The following STK40 variants were observed in gnomAD, a reference collection of about 807,000 sequenced individuals.
The protein encoded by STK40 is serine/threonine-protein kinase 40.
STK40 carries 13 observed loss-of-function variants against 47.9 expected under a neutral mutation model. The observed-to-expected ratio is 0.27, with a 90% CI of 0.18 to 0.43. STK40 has a LOEUF of 0.43. Ranked by LOEUF, STK40 falls within the 20% of genes least tolerant of loss-of-function variation. STK40 has a pLI of 1.00. For synonymous variants in STK40, 225 were observed against 243.2 expected (o/e 0.93, Z 0.69); for missense variants, 460 against 595.1 (o/e 0.77, Z 2.36).
chr1:36,357,769 G>A lies in STK40; in HGVS notation c.342+470C>T, dbSNP rs543498626. ...GTAGCTGGGACTACAGGTGTGCGCC[G>A]CCATGCCCAGCTAATTTTTGTATTT... On this transcript the variant is annotated intron_variant, in intron 4 of 10. Coordinates refer to ENST00000373132, the MANE Select transcript of STK40 (RefSeq NM_001282547.2). Among the ~76,000 whole-genome samples the A allele has an allele frequency of 4.4e-3, 664 of 152,014 alleles. 7 individuals are homozygous for A. Among genetic ancestry groups the A allele is most frequent in the African/African-American group, 0.015 (611 of 41,472 alleles).
rs1175031126 is a variant in STK40, at chr1:36,358,170, C to A, written c.342+69G>T. 4.0e-6 allele frequency: 6 copies of A among 1,481,792 alleles called. No homozygotes were observed. The South Asian group carries it at 7.0e-5, about 17-fold the overall frequency. 91.8% of individuals were successfully genotyped at this position (1,481,792 alleles called of 1,614,324 possible). A position where few individuals can be genotyped will look rare whatever the true frequency, so the allele number is the denominator to read the frequency against. Reference sequence around the variant, plus strand: ...ACGTGAGCTGCTCGTATGGCTGTGGCCCCAGCAAGTGGCAGCCCACAGAGC... The same window carrying A: ...ACGTGAGCTGCTCGTATGGCTGTGGACCCAGCAAGTGGCAGCCCACAGAGC... On this transcript the variant is annotated intron_variant, in intron 4 of 10. Coordinates refer to ENST00000373132, the MANE Select transcript of STK40 (RefSeq NM_001282547.2).
intron 3 of STK40, 74 bp downstream of exon 3, chr1:36,358,662 AG>A (rs1646826423): frequency 6.7e-7 from 1 of 1,489,824 alleles, no homozygotes; most frequent in African/African-American, 1.4e-5. Flanking sequence ...GCAGGTGTGA[AG>A]GTGGAGGAGG....
intron 1 of STK40, among the ~76,000 whole-genome samples, chr1:36,368,282 TA>T (rs1646918040): frequency 6.6e-6 from 1 of 151,544 alleles, no homozygotes; most frequent in African/African-American, 2.4e-5. Context: ...GCTATATATA[TA>T]TTTTTTTTCG....
chr1:36,370,089 A>G (rs1320953845), intron 1 of STK40, among the ~76,000 whole-genome samples: 2 of 152,258 alleles, frequency 1.3e-5, no homozygotes, highest in East Asian at 1.9e-4. Context: ...CTGTCCAGGA[A>G]AAGTCCCATG....
chr1:36,354,741 G>T (rs1305727819), intron 5 of STK40, among the ~76,000 whole-genome samples: 1 of 152,124 alleles, frequency 6.6e-6, no homozygotes, highest in Non-Finnish European at 1.5e-5. Context: ...GGATGGATCT[G>T]GGGGTCGGGG....
chr1:36,381,719 G>A (rs773007540), intron 1 of STK40, among the ~76,000 whole-genome samples: 3 of 152,038 alleles, frequency 2.0e-5, no homozygotes, highest in Non-Finnish European at 2.9e-5. Flanking sequence ...CAATTTCTGG[G>A]CTCAAGCGAT....
rs1030020441 is a variant in STK40 at position 36,340,149 on chromosome 1, T to G, written c.*1606A>C. On this transcript the variant is annotated 3_prime_UTR_variant, in exon 11 of 11. Transcript: ENST00000373132. ...ACAGCTGAGACAGACGCAGGCTCGCTGCTCAGGGGGAGTAAGTGCTGGGCT... is the reference window on the plus strand; with the variant it reads ...ACAGCTGAGACAGACGCAGGCTCGCGGCTCAGGGGGAGTAAGTGCTGGGCT... 2.0e-5 allele frequency: 3 copies of G among 152,772 alleles called. No individual in the cohort carries two copies. The highest frequency in any genetic ancestry group is 7.2e-5 in the African/African-American group (3 of 41,466). 9.5% of individuals were successfully genotyped at this position (152,772 alleles called of 1,614,324 possible). A position where few individuals can be genotyped will look rare whatever the true frequency, so the allele number is the denominator to read the frequency against.
intron 1 of STK40, among the ~76,000 whole-genome samples, chr1:36,369,725 A>C (rs1646929654): frequency 6.6e-6 from 1 of 152,170 alleles, no homozygotes; most frequent in Non-Finnish European, 1.5e-5. Context: ...CCATTGGTTT[A>C]TCTGTCTGAC....
intron 9 of STK40, 135 bp from the exon 10 acceptor site, chr1:36,343,583 C>A: frequency 4.9e-6 from 5 of 1,015,612 alleles, no homozygotes; most frequent in Non-Finnish European, 5.7e-6. Context: ...GTTTTCTTAT[C>A]CCATAAAGGG....
intron 10 of STK40, chr1:36,343,064 G>T: frequency 1.7e-6 from 1 of 603,640 alleles, no homozygotes; most frequent in Admixed American, 2.9e-5. Context: ...GCAGAGAAAT[G>T]TGACTTGGGC....
intron 1 of STK40, among the ~76,000 whole-genome samples, chr1:36,379,669 C>A (rs747059425): frequency 5.3e-5 from 8 of 151,996 alleles, no homozygotes; most frequent in African/African-American, 1.9e-4. Context: ...TGTGAGCCAC[C>A]GCGCCCGGCC....
At chr1:36,352,182 G>A (rs536635035) in intron 6 of STK40, among the ~76,000 whole-genome samples, 2 of 152,162 alleles carry the variant, frequency 1.3e-5, no homozygotes, top group African/African-American at 2.4e-5. Flanking sequence ...CTCACCAGGG[G>A]TGTCCTCGTT....
intron 6 of STK40, among the ~76,000 whole-genome samples, chr1:36,349,557 A>G (rs1646732525): frequency 6.6e-6 from 1 of 152,186 alleles, no homozygotes; most frequent in African/African-American, 2.4e-5. Context: ...GCAGGGCCCC[A>G]GGCCCCGAAT....
rs58286007 is a variant in STK40, at chr1:36,355,151, G to A, written c.570+55C>T. ...CAGAGCTGCCTTCTGCTCAGCAGCA[G>A]CAAGAAAGGTGGCTTTCTGTGGCCA... On this transcript the variant is annotated intron_variant, in intron 5 of 10. Coordinates refer to ENST00000373132, the MANE Select transcript of STK40 (RefSeq NM_001282547.2). 4.5e-3 allele frequency: 7,100 copies of A among 1,565,810 alleles called. 262 individuals are homozygous for A. The African/African-American group carries it at 0.079, about 17-fold the overall frequency.
chr1:36,343,489 C>A (rs1646672690), intron 9 of STK40, 41 bp from the exon 10 acceptor site: 7 of 1,577,418 alleles, frequency 4.4e-6, no homozygotes, highest in East Asian at 2.3e-5. Context: ...CCAGAGAGAC[C>A]AGGTCCATTG....
At chr1:36,348,638 G>A in intron 7 of STK40, 62 bp downstream of exon 7, 1 of 1,495,816 alleles carries the variant, frequency 6.7e-7, no homozygotes, top group South Asian at 1.2e-5. Context: ...TTTGCTGAGT[G>A]GACTGTCACA....
In STK40 at chr1:36,356,418, C is replaced by CTTTTT. The variant is rs1002682531; in HGVS notation, c.343-990_343-986dup. ...CTGAATATCCACATTTCTTCTTTTT[C>CTTTTT]TTTTTTTTTTTTTTTTTTTTTTTGT... On this transcript the variant is annotated intron_variant, in intron 4 of 10. Coordinates refer to ENST00000373132, the MANE Select transcript of STK40 (RefSeq NM_001282547.2). Among the ~76,000 whole-genome samples the CTTTTT allele has an allele frequency of 2.5e-3, 293 of 116,770 alleles. 2 individuals carry two copies. Among genetic ancestry groups the CTTTTT allele is most frequent in the Non-Finnish European group, 3.4e-3 (189 of 56,372 alleles). The allele number at this position is 116,770 out of a possible 152,430, so 76.6% of individuals were successfully genotyped here. A position where few individuals can be genotyped will look rare whatever the true frequency, so the allele number is the denominator to read the frequency against.
At chr1:36,343,068 C>T (rs1433905101) in intron 10 of STK40, 5 of 604,830 alleles carry the variant, frequency 8.3e-6, no homozygotes, top group Non-Finnish European at 1.5e-5. Context: ...AGAAATGTGA[C>T]TTGGGCAGCA....
chr1:36,350,962 G>A (rs990118682), intron 6 of STK40, among the ~76,000 whole-genome samples: 1 of 152,188 alleles, frequency 6.6e-6, no homozygotes, highest in Admixed American at 6.5e-5. Context: ...CCACCCAAGT[G>A]GGGGGTGCAT....
Sources: allele counts gnomAD v4.1 joint callset (sites outside exome capture counted in the v4.1 genomes callset), GRCh38; gene constraint gnomAD v4.1.1; transcripts MANE v1.5; gene names NCBI Gene and HGNC (gene_info 2026-07-23, HGNC 2026-07-21).